KCMF1: variants seen among roughly 807,000 people sequenced by gnomAD.
KCMF1 encodes the protein potassium channel modulatory factor 1, also known as E3 ubiquitin-protein ligase KCMF1.
A neutral mutation model predicts 41.1 loss-of-function variants in KCMF1; 3 were observed. The observed-to-expected ratio is 0.07, with a 90% CI of 0.03 to 0.19. The LOEUF (loss-of-function observed/expected upper bound fraction) is 0.19. Ranked by LOEUF, KCMF1 falls within the 10% of genes least tolerant of loss-of-function variation. KCMF1 has a pLI of 1.00. For synonymous variants in KCMF1, 142 were observed against 164.5 expected (o/e 0.86, Z 1.04); for missense variants, 286 against 488.9 (o/e 0.58, Z 3.91).
chr2:85,030,379 T>G (rs1382056303), intron 2 of KCMF1, among the ~76,000 whole-genome samples: 1 of 152,230 alleles, frequency 6.6e-6, no homozygotes, highest in Non-Finnish European at 1.5e-5. Context: ...TTGTTGTGCA[T>G]TTGATGCTGT....
chr2:85,003,490 A>G (rs116084123), intron 1 of KCMF1, among the ~76,000 whole-genome samples: 265 of 151,730 alleles, frequency 1.7e-3, no homozygotes, highest in African/African-American at 6.0e-3. Flanking sequence ...AAAAAAAAAT[A>G]AGTCTTGTTT....
intron 1 of KCMF1, among the ~76,000 whole-genome samples, chr2:84,983,797 C>T (rs892632372): frequency 6.6e-6 from 1 of 152,130 alleles, no homozygotes; most frequent in African/African-American, 2.4e-5. Flanking sequence ...AGGCGTGAGC[C>T]ACTGCGTCCG....
Position 85,014,747 on chromosome 2 carries a change from GTT to G in KCMF1, c.17-13138_17-13137del, listed in dbSNP as rs1491559699. Among the ~76,000 whole-genome samples the G allele has an allele frequency of 1.9e-3, 282 of 148,826 alleles. 3 individuals are homozygous for G. The highest frequency in any genetic ancestry group is 6.8e-3 in the African/African-American group (272 of 39,952). On this transcript the variant is annotated intron_variant, in intron 1 of 6. Coordinates refer to ENST00000409785, the MANE Select transcript of KCMF1 (RefSeq NM_020122.5). ...TGCGTGTGTGTGTGTGTGTGTGTGTGTTTTTAAATAGAGATGAGGTCTTGCTA... is the reference window on the plus strand; with the variant it reads ...TGCGTGTGTGTGTGTGTGTGTGTGTGTTTAAATAGAGATGAGGTCTTGCTA...
chr2:84,976,164 T>C (rs925179604), intron 1 of KCMF1, among the ~76,000 whole-genome samples: 2 of 152,106 alleles, frequency 1.3e-5, no homozygotes, highest in African/African-American at 4.8e-5. Context: ...GGTACTCTAC[T>C]GTGATTCTAG....
chr2:85,031,762 T>C (rs1574035398), intron 2 of KCMF1, among the ~76,000 whole-genome samples: 1 of 152,346 alleles, frequency 6.6e-6, no homozygotes, highest in African/African-American at 2.4e-5. Context: ...TCTATCTATT[T>C]TGAAAGGTTC....
chr2:84,993,412 T>C (rs1213543631), intron 1 of KCMF1, among the ~76,000 whole-genome samples: 1 of 151,874 alleles, frequency 6.6e-6, no homozygotes, highest in Middle Eastern at 3.2e-3. Flanking sequence ...ATCACCGAGG[T>C]GATAATCACT....
rs930908083 is a variant in KCMF1 at position 85,038,934 on chromosome 2, G to A, written c.324+3779G>A. ...TTCGTCTCACCGTGTGGCCCAGGCT[G>A]GTCTCAAACTCTTGTCTGCAAGTGA... On this transcript the variant is annotated intron_variant, in intron 3 of 6. Coordinates refer to ENST00000409785, the MANE Select transcript of KCMF1 (RefSeq NM_020122.5). 6.2e-4 allele frequency among the ~76,000 whole-genome samples: 94 copies of A among 152,158 alleles called. 1 individual carries two copies. The highest frequency in any genetic ancestry group is 1.9e-3 in the African/African-American group (77 of 41,420).
At chr2:85,032,134 T>G (rs1313567329) in intron 2 of KCMF1, among the ~76,000 whole-genome samples, 1 of 152,046 alleles carries the variant, frequency 6.6e-6, no homozygotes, top group African/African-American at 2.4e-5. Context: ...GTTACTGAAC[T>G]TGTTTATTCA....
intron 1 of KCMF1, among the ~76,000 whole-genome samples, chr2:85,014,985 T>G (rs1242481851): frequency 6.6e-6 from 1 of 151,826 alleles, no homozygotes; most frequent in Non-Finnish European, 1.5e-5. Context: ...TCTACTTTTT[T>G]CTCCTGTAGA....
chr2:85,005,331 C>T (rs1479524699), intron 1 of KCMF1, among the ~76,000 whole-genome samples: 1 of 151,584 alleles, frequency 6.6e-6, no homozygotes. Context: ...CACTGTCTCC[C>T]AGGCTGGAGT....
rs869089697 is a variant in KCMF1 at position 84,996,430 on chromosome 2, A to ATTTT, written c.16+24982_16+24985dup. 1.9e-4 allele frequency among the ~76,000 whole-genome samples: 24 copies of ATTTT among 124,054 alleles called. 1 individual carries two copies. Among genetic ancestry groups the ATTTT allele is most frequent in the Non-Finnish European group, 2.6e-4 (16 of 60,476 alleles). The allele number at this position is 124,054 out of a possible 152,430, so 81.4% of individuals were successfully genotyped here. A position where few individuals can be genotyped will look rare whatever the true frequency, so the allele number is the denominator to read the frequency against. ...ATACTTTATACCTAAATAACCTAAGATTTTTTTTTTTTTTTTTTTTTTGAG... is the reference window on the plus strand; with the variant it reads ...ATACTTTATACCTAAATAACCTAAGATTTTTTTTTTTTTTTTTTTTTTTTTTGAG... On this transcript the variant is annotated intron_variant, in intron 1 of 6. Transcript: ENST00000409785.
chr2:85,047,754 G>GT (rs1675707846), intron 5 of KCMF1, among the ~76,000 whole-genome samples: 1 of 152,094 alleles, frequency 6.6e-6, no homozygotes, highest in East Asian at 1.9e-4. Context: ...CAGACAAGTG[G>GT]TAAGACAGTG....
intron 1 of KCMF1, among the ~76,000 whole-genome samples, chr2:85,004,738 T>G (rs1674424121): frequency 1.3e-5 from 2 of 152,190 alleles, no homozygotes; most frequent in Non-Finnish European, 2.9e-5. Flanking sequence ...CGGTCATGCC[T>G]CAGTCTTCTA....
chr2:84,989,050 T>G (rs1285662924), intron 1 of KCMF1, among the ~76,000 whole-genome samples: 1 of 152,122 alleles, frequency 6.6e-6, no homozygotes, highest in Admixed American at 6.6e-5. Flanking sequence ...TCTTAGCAGG[T>G]TGTACAAAAC....
At chr2:85,009,804 A>T (rs1207151552) in intron 1 of KCMF1, among the ~76,000 whole-genome samples, 2 of 152,194 alleles carry the variant, frequency 1.3e-5, no homozygotes, top group East Asian at 3.8e-4. Flanking sequence ...ATAAACTTCT[A>T]CTTTCCACTT....
At chr2:85,003,600 T>A (rs554486864) in intron 1 of KCMF1, among the ~76,000 whole-genome samples, 1 of 152,268 alleles carries the variant, frequency 6.6e-6, no homozygotes, top group South Asian at 2.1e-4. Flanking sequence ...TCATTTTATT[T>A]TTTTTATTTT....
intron 1 of KCMF1, among the ~76,000 whole-genome samples, chr2:85,000,773 C>CTTTT (rs1234800307): frequency 1.7e-5 from 2 of 118,620 alleles, no homozygotes; most frequent in Non-Finnish European, 3.6e-5. Context: ...GATAATTTTA[C>CTTTT]TTTTTTTTTT....
rs924112400 is a variant in KCMF1 at position 85,004,320 on chromosome 2, G to A, written c.17-23569G>A. ...ATGTCAGGAGATTGAGACTATCCTG[G>A]CTAACATGGTGAAAACCTGCCTCTA... On this transcript the variant is annotated intron_variant, in intron 1 of 6. Coordinates refer to ENST00000409785, the MANE Select transcript of KCMF1 (RefSeq NM_020122.5). Among the ~76,000 whole-genome samples the A allele has an allele frequency of 6.6e-5, 10 of 152,110 alleles. No individual in the cohort carries two copies. In the South Asian group the frequency reaches 1.7e-3, roughly 25 times the overall value.
intron 1 of KCMF1, among the ~76,000 whole-genome samples, chr2:85,005,694 AGAGAT>A (rs1674454783): frequency 6.6e-6 from 1 of 152,154 alleles, no homozygotes; most frequent in East Asian, 1.9e-4. Context: ...TTAATAAACT[AGAGAT>A]GAGGTCTCAC....
Sources: gnomAD v4.1 joint callset for allele counts (sites outside exome capture counted in the v4.1 genomes callset) on GRCh38, gnomAD v4.1.1 for gene constraint, MANE v1.5 for transcripts, NCBI Gene and HGNC (gene_info 2026-07-23, HGNC 2026-07-21) for gene names.